Variants in RTN4R observed in about 807,000 individuals in gnomAD.
The protein encoded by RTN4R is reticulon-4 receptor.
RTN4R carries 4 observed loss-of-function variants against 27.7 expected under a neutral mutation model. That is an observed-to-expected ratio of 0.14 (90% CI 0.07 to 0.33). The LOEUF (loss-of-function observed/expected upper bound fraction) is 0.33. Among genes scored for constraint, RTN4R ranks in the 10% least tolerant of loss-of-function variants. The probability of loss-of-function intolerance (pLI) is 1.00; values close to 1 mark genes in which losing one functional copy is unlikely to be tolerated. For synonymous variants in RTN4R, 290 were observed against 305.6 expected (o/e 0.95, Z 0.53); for missense variants, 554 against 671.5 (o/e 0.83, Z 1.93).
At position 20,242,648 on chromosome 22, in the gene RTN4R, T is replaced by C; in HGVS notation, c.485A>G (p.Gln162Arg). ...GLAALQYLYLQDNALQALPDD... is the reference protein window; with the variant it reads ...GLAALQYLYLRDNALQALPDD... ...AGGCAGTGCCTGCAGCGCGTTGTCC[T>C]GCAGGTAGAGGTACTGCAGGGCAGC... The change falls in exon 2 of 2, where the codon CAG (glutamine) becomes CGG (arginine). Residue 162 changes from glutamine (Q) to arginine (R), a missense_variant. Around this residue, in one of 2 missense-constraint regions of RTN4R, gnomAD observed 413 missense variants for 542.3 expected, o/e 0.76. Coordinates refer to ENST00000043402, the MANE Select transcript of RTN4R (RefSeq NM_023004.6). 1 of 1,612,314 alleles carries C rather than the reference T, an allele frequency of 6.2e-7. No individual in the cohort carries two copies.
chr22:20,266,729 C>T (rs1473527620), intron 1 of RTN4R, among the ~76,000 whole-genome samples: 3 of 152,234 alleles, frequency 2.0e-5, no homozygotes, highest in African/African-American at 7.2e-5. Context: ...GCCCCCAACA[C>T]ACATTCCAGG....
rs1010863073 is a variant in RTN4R at position 20,250,885 on chromosome 22, A to G, written c.23-7775T>C. On this transcript the variant is annotated intron_variant, in intron 1 of 1. Coordinates refer to ENST00000043402, the MANE Select transcript of RTN4R (RefSeq NM_023004.6). ...CACACACACACACATACACACAAAG[A>G]GAACAAAATGGTTGTAAGGAGAGGG... is the stretch of plus-strand genomic sequence containing the variant. 7.2e-5 allele frequency among the ~76,000 whole-genome samples: 11 copies of G among 152,320 alleles called. 1 individual carries two copies. The highest frequency in any genetic ancestry group is 6.5e-4 in the Admixed American group (10 of 15,302).
rs192024778 is a variant in RTN4R at position 20,262,800 on chromosome 22, A to G, written c.22+5271T>C. Among the ~76,000 whole-genome samples, 803 of 152,352 alleles carry G rather than the reference A, an allele frequency of 5.3e-3. 3 individuals are homozygous for G. The highest frequency in any genetic ancestry group is 0.017 in the Middle Eastern group (5 of 294). Reference sequence around the variant, plus strand: ...GTCACACAGCAAGCCAGCACTGCACAAGCTTACCCATGGCTGCCCAGCCTT... The same window carrying G: ...GTCACACAGCAAGCCAGCACTGCACGAGCTTACCCATGGCTGCCCAGCCTT... On this transcript the variant is annotated intron_variant, in intron 1 of 1. Transcript: ENST00000043402.
At position 20,250,668 on chromosome 22, in the gene RTN4R, G is replaced by A. The variant is rs1304131537; in HGVS notation, c.23-7558C>T. On this transcript the variant is annotated intron_variant, in intron 1 of 1. Transcript: ENST00000043402. ...GCCTAGGGTGAGGGGTTCTAGGCAA[G>A]AAAGAGACTCAGAAATACTGAAATA... Among the ~76,000 whole-genome samples the A allele has an allele frequency of 2.0e-5, 3 of 152,320 alleles. No individual in the cohort carries two copies. In the East Asian group the frequency reaches 5.8e-4, roughly 29 times the overall value.
intron 1 of RTN4R, among the ~76,000 whole-genome samples, chr22:20,259,848 G>C (rs1022709983): frequency 7.9e-5 from 12 of 152,218 alleles, no homozygotes; most frequent in African/African-American, 2.9e-4. Flanking sequence ...GGGGGACTTG[G>C]GGGTAGAGCA....
rs765429355 is a variant in RTN4R at position 20,242,344 on chromosome 22, C to T, written c.789G>A (p.Val263=). 1 of 1,612,270 alleles carries T rather than the reference C, an allele frequency of 6.2e-7. No homozygotes were observed. The highest frequency in any genetic ancestry group is 1.1e-5 in the South Asian group (1 of 91,020). ...QYLRLNDNPW[V]CDCRARPLWA... ...AGAGTGGGCGTGCCCGGCAGTCACA[C>T]ACCCAGGGGTTGTCGTTGAGCCTCA... Residue 263 remains valine (V), a synonymous_variant, in exon 2 of 2, where the codon GTG becomes GTA. Coordinates refer to ENST00000043402, the MANE Select transcript of RTN4R (RefSeq NM_023004.6).
In RTN4R at chr22:20,242,169, C is replaced by T. The variant is rs148102395; in HGVS notation, c.964G>A (p.Gly322Ser). 28 of 1,611,664 alleles carry T rather than the reference C, an allele frequency of 1.7e-5. No individual in the cohort carries two copies. Among genetic ancestry groups the T allele is most frequent in the African/African-American group, 8.0e-5 (6 of 74,922 alleles). ...AGCGGCTCCTCATCGGTGGCCCTGC[C>T]GGTCCAGATGGGATGGTAAGGGCCG... is the stretch of plus-strand genomic sequence containing the variant. ...ATGPYHPIWT[G>S]RATDEEPLGL... is the part of the protein sequence containing the mutation. The change falls in exon 2 of 2, where the codon GGC (glycine) becomes AGC (serine). Residue 322 changes from glycine to serine, a missense_variant. By Grantham distance (56) the Gly-to-Ser change is moderately conservative. Around this residue, in one of 2 missense-constraint regions of RTN4R, gnomAD observed 413 missense variants for 542.3 expected, o/e 0.76. Transcript: ENST00000043402.
chr22:20,250,082 G>T (rs1004165809), intron 1 of RTN4R, among the ~76,000 whole-genome samples: 1 of 152,224 alleles, frequency 6.6e-6, no homozygotes, highest in African/African-American at 2.4e-5. Flanking sequence ...CTCCCCAGGG[G>T]ATGAGGAATC....
intron 1 of RTN4R, among the ~76,000 whole-genome samples, chr22:20,246,268 C>A (rs1042093089): frequency 1.3e-5 from 2 of 152,180 alleles, no homozygotes; most frequent in Admixed American, 6.5e-5. Flanking sequence ...CCTGCGGCAG[C>A]CAGACTGGGC....
chr22:20,244,365 G>A lies in RTN4R; in HGVS notation c.23-1255C>T, dbSNP rs146304508. Reference sequence around the variant, plus strand: ...TGCCCCACTGGGTCCTCTCTACTTGGGCAGACAGTGCAGTCGCCCTAAACG... The same window carrying A: ...TGCCCCACTGGGTCCTCTCTACTTGAGCAGACAGTGCAGTCGCCCTAAACG... On this transcript the variant is annotated intron_variant, in intron 1 of 1. Coordinates refer to ENST00000043402, the MANE Select transcript of RTN4R (RefSeq NM_023004.6). Among the ~76,000 whole-genome samples the A allele has an allele frequency of 3.0e-3, 457 of 152,316 alleles. 1 individual carries two copies. The highest frequency in any genetic ancestry group is 6.8e-3 in the Middle Eastern group (2 of 294).
chr22:20,266,503 G>A (rs1168821025), intron 1 of RTN4R, among the ~76,000 whole-genome samples: 1 of 152,190 alleles, frequency 6.6e-6, no homozygotes, highest in Admixed American at 6.5e-5. Flanking sequence ...CTGCAGTCAC[G>A]CTGGGTCACG....
intron 1 of RTN4R, among the ~76,000 whole-genome samples, chr22:20,250,585 C>A (rs1470302886): frequency 6.6e-6 from 1 of 152,194 alleles, no homozygotes. Flanking sequence ...CAGAGCCCAG[C>A]AACCTCAGTG....
chr22:20,245,397 GA>G (rs1569035363), intron 1 of RTN4R, among the ~76,000 whole-genome samples: 1 of 152,248 alleles, frequency 6.6e-6, no homozygotes, highest in Non-Finnish European at 1.5e-5. Flanking sequence ...GAGCGAGCAG[GA>G]GGGGGCATCT....
chr22:20,258,434 G>A (rs1257061533), intron 1 of RTN4R, among the ~76,000 whole-genome samples: 1 of 152,236 alleles, frequency 6.6e-6, no homozygotes, highest in African/African-American at 2.4e-5. Context: ...ATGGGAGCCC[G>A]GCTGGGTAAT....
Position 20,242,100 on chromosome 22 carries a change from A to T in RTN4R, c.1033T>A (p.Ser345Thr). The T allele has an allele frequency of 1.2e-6, 2 of 1,612,084 alleles. No individual in the cohort carries two copies. Among genetic ancestry groups the T allele is most frequent in the Non-Finnish European group, 1.7e-6 (2 of 1,179,418 alleles). ...CCQPDAADKASVLEPGRPASA... is the reference protein window; with the variant it reads ...CCQPDAADKATVLEPGRPASA... ...GCTGGTCTTCCAGGCTCCAGTACTG[A>T]GGCCTTGTCAGCGGCATCTGGCTGG... Residue 345 changes from serine to threonine, a missense_variant, in exon 2 of 2, where the codon TCA (serine) becomes ACA (threonine). Physicochemically the swap from Ser to Thr is moderately conservative, Grantham distance 58. Around this residue, in one of 2 missense-constraint regions of RTN4R, gnomAD observed 413 missense variants for 542.3 expected, o/e 0.76. Transcript: ENST00000043402.
rs773822600 is a variant in RTN4R at position 20,253,310 on chromosome 22, C to T, written c.23-10200G>A. ...CATCTCATGAGAGACCCGGCCTGTG[C>T]TCAGAGTCGAGTTGCTGTGGCTTCT... is the stretch of plus-strand genomic sequence containing the variant. On this transcript the variant is annotated intron_variant, in intron 1 of 1. Transcript: ENST00000043402. 2.6e-5 allele frequency among the ~76,000 whole-genome samples: 4 copies of T among 152,340 alleles called. No homozygotes were observed. The South Asian group carries it at 8.3e-4, about 32-fold the overall frequency.
chr22:20,265,502 C>T (rs1274753363), intron 1 of RTN4R, among the ~76,000 whole-genome samples: 2 of 152,222 alleles, frequency 1.3e-5, no homozygotes, highest in Admixed American at 6.5e-5. Flanking sequence ...TGCAAACCTA[C>T]GTTTCTGCCA....
rs1300927252 is a variant in RTN4R at position 20,268,280 on chromosome 22, CGCA to C, written c.-191_-189del. 7.1e-3 allele frequency: 51 copies of C among 7,154 alleles called. No homozygotes were observed. Among genetic ancestry groups the C allele is most frequent in the East Asian group, 0.02 (2 of 100 alleles). 0.4% of individuals were successfully genotyped at this position (7,154 alleles called of 1,614,324 possible). ...GCTCGGGCCGCGGGTGCGCAGGGCG[CGCA>C]GGGCGCACAGGGCGAGGGCGGCGGC... On this transcript the variant is annotated 5_prime_UTR_variant, in exon 1 of 2. Transcript: ENST00000043402.
chr22:20,253,252 A>G (rs575576298), intron 1 of RTN4R, among the ~76,000 whole-genome samples: 1 of 152,304 alleles, frequency 6.6e-6, no homozygotes, highest in East Asian at 1.9e-4. Flanking sequence ...GCAGAGAAAG[A>G]AGGCTTGAGG....
Sources: gnomAD v4.1 joint callset for allele counts (sites outside exome capture counted in the v4.1 genomes callset) on GRCh38, gnomAD v4.1.1 for gene constraint, gnomAD v4.1.1 regional missense constraint, MANE v1.5 for transcripts, NCBI Gene and HGNC (gene_info 2026-07-23, HGNC 2026-07-21) for gene names.